The following SLC2A9 variants were observed in gnomAD, a reference collection of about 807,000 sequenced individuals.
SLC2A9 encodes solute carrier family 2 member 9.
A neutral mutation model predicts 50.6 loss-of-function variants in SLC2A9; 39 were observed. The observed-to-expected ratio is 0.77, with a 90% CI of 0.60 to 1.01. The LOEUF (loss-of-function observed/expected upper bound fraction) is 1.01, where lower values mean the gene tolerates loss of function less well. Among genes scored for constraint, SLC2A9 ranks in the 50% least tolerant of loss-of-function variants. The pLI is 0.00. For missense variants in SLC2A9, 686 were observed against 677.6 expected (o/e 1.01, Z -0.14); for synonymous variants, 324 against 276.9 (o/e 1.17, Z -1.69).
At chr4:10,017,674 C>T (rs1762848147) in intron 2 of SLC2A9, among the ~76,000 whole-genome samples, 1 of 152,196 alleles carries the variant, frequency 6.6e-6, no homozygotes, top group South Asian at 2.1e-4. Context: ...ATGCTGGACT[C>T]CCAAGCAAGG....
intron 5 of SLC2A9, 70 bp downstream of exon 5, chr4:9,980,522 G>C: frequency 1.9e-6 from 3 of 1,607,814 alleles, no homozygotes; most frequent in Non-Finnish European, 1.7e-6. Flanking sequence ...AGCTTTTGGA[G>C]AAAAGGCTCC....
chr4:9,814,719 G>C (rs1723341749), intron 3 of SLC2A9, among the ~76,000 whole-genome samples: 1 of 152,128 alleles, frequency 6.6e-6, no homozygotes, highest in Non-Finnish European at 1.5e-5. Context: ...GCTTCCTCAT[G>C]TGATGACATC....
intron 5 of SLC2A9, among the ~76,000 whole-genome samples, chr4:9,942,354 G>A (rs532197252): frequency 6.6e-6 from 1 of 152,306 alleles, no homozygotes; most frequent in Non-Finnish European, 1.5e-5. Context: ...CACTCCCTGG[G>A]GAACCATGGT....
At chr4:9,864,753 A>G (rs191766017) in intron 10 of SLC2A9, among the ~76,000 whole-genome samples, 1 of 152,364 alleles carries the variant, frequency 6.6e-6, no homozygotes, top group African/African-American at 2.4e-5. Context: ...CTGTCCTTGT[A>G]TACTTAGAGC....
At chr4:9,896,583 T>C (rs13122026) in intron 8 of SLC2A9, among the ~76,000 whole-genome samples, 61,066 of 152,082 alleles carry the variant, frequency 0.4, 14,259 homozygotes, top group Non-Finnish European at 0.52. Flanking sequence ...ACCTTTTAAA[T>C]AGTCACAGTT....
chr4:9,842,606 CT>C (rs1728255030), intron 10 of SLC2A9, among the ~76,000 whole-genome samples: 1 of 152,130 alleles, frequency 6.6e-6, no homozygotes, highest in Non-Finnish European at 1.5e-5. Context: ...TGACCATGTC[CT>C]TTTGATGGCA....
intron 10 of SLC2A9, among the ~76,000 whole-genome samples, chr4:9,864,422 C>A (rs1732126094): frequency 6.6e-6 from 1 of 152,240 alleles, no homozygotes; most frequent in Non-Finnish European, 1.5e-5. Context: ...GCGATTCCAT[C>A]AGGGTTAGTT....
intron 5 of SLC2A9, among the ~76,000 whole-genome samples, chr4:9,947,823 A>G (rs1029040022): frequency 1.3e-5 from 2 of 151,900 alleles, no homozygotes; most frequent in African/African-American, 4.8e-5. Context: ...TCCCCTGCTC[A>G]CTCATTCCTG....
At chr4:9,956,060 G>T (rs2108885151) in intron 5 of SLC2A9, among the ~76,000 whole-genome samples, 1 of 151,518 alleles carries the variant, frequency 6.6e-6, no homozygotes, top group Non-Finnish European at 1.5e-5. Context: ...CGTATTTTTA[G>T]TACAGATGGG....
At chr4:9,780,085 C>T (rs1385117669) in intron 3 of SLC2A9, 1 of 152,106 alleles carries the variant, frequency 6.6e-6, no homozygotes, top group Admixed American at 6.5e-5. Context: ...AAGACAAGGG[C>T]AATATGAGGA....
intron 3 of SLC2A9, chr4:9,783,175 G>T: frequency 6.2e-7 from 1 of 1,614,210 alleles, no homozygotes; most frequent in East Asian, 2.2e-5. Context: ...GCTCCCGCAC[G>T]CCGGTGGAGA....
chr4:9,970,224 C>T (rs191533675), intron 5 of SLC2A9, among the ~76,000 whole-genome samples: 3 of 152,272 alleles, frequency 2.0e-5, no homozygotes, highest in South Asian at 2.1e-4. Flanking sequence ...GGAGCAGCAT[C>T]GGACATGCTT....
intron 3 of SLC2A9, chr4:9,783,590 T>A: frequency 1.1e-6 from 1 of 935,436 alleles, no homozygotes; most frequent in Non-Finnish European, 1.6e-6. Flanking sequence ...TAGTAGCTCG[T>A]GTGCTTAGAA....
chr4:9,990,506 T>C (rs963289431), intron 3 of SLC2A9, among the ~76,000 whole-genome samples: 1 of 152,152 alleles, frequency 6.6e-6, no homozygotes, highest in Non-Finnish European at 1.5e-5. Flanking sequence ...CTGAAAGTCC[T>C]GTGTGAGCTC....
chr4:9,819,543 T>C (rs151285448), intron 3 of SLC2A9, among the ~76,000 whole-genome samples: 3 of 152,384 alleles, frequency 2.0e-5, no homozygotes, highest in Non-Finnish European at 4.4e-5. Context: ...ATGCTCTTCA[T>C]GTATTTTTGA....
rs75760198 is a variant in SLC2A9 at position 9,808,692 on chromosome 4, C to T, written n.421-9451G>A. Among the ~76,000 whole-genome samples the T allele has an allele frequency of 3.3e-3, 499 of 152,268 alleles. 4 individuals are homozygous for T. The highest frequency in any genetic ancestry group is 0.011 in the African/African-American group (472 of 41,536). On this transcript the variant is annotated intron_variant and non_coding_transcript_variant, in intron 3 of 3. Coordinates refer to the SLC2A9 transcript ENST00000503280. ...AAGATTGCCCACATGCAGGATGATGCCTCATAGATGCAGTCTTTGAGAAAG... is the reference window on the plus strand; with the variant it reads ...AAGATTGCCCACATGCAGGATGATGTCTCATAGATGCAGTCTTTGAGAAAG...
At chr4:9,839,041 G>T (rs1248498776) in intron 10 of SLC2A9, among the ~76,000 whole-genome samples, 1 of 152,052 alleles carries the variant, frequency 6.6e-6, no homozygotes, top group Admixed American at 6.5e-5. Flanking sequence ...CACAACAAAA[G>T]AAACTATCAA....
At chr4:9,878,530 A>C (rs1734656767) in intron 10 of SLC2A9, among the ~76,000 whole-genome samples, 1 of 152,116 alleles carries the variant, frequency 6.6e-6, no homozygotes, top group Non-Finnish European at 1.5e-5. Flanking sequence ...TGGTGTATCC[A>C]CAGAGGGCAT....
downstream of SLC2A9, among the ~76,000 whole-genome samples, chr4:9,797,754 C>T (rs1720759359): frequency 6.6e-6 from 1 of 152,222 alleles, no homozygotes; most frequent in East Asian, 1.9e-4. Flanking sequence ...TGCCTGTCCA[C>T]AGCACCAAAC....
Sources: gnomAD v4.1 joint callset for allele counts (sites outside exome capture counted in the v4.1 genomes callset) on GRCh38, gnomAD v4.1.1 for gene constraint, MANE v1.5 for transcripts, NCBI Gene and HGNC (gene_info 2026-07-23, HGNC 2026-07-21) for gene names.